DTNA: variants seen among roughly 807,000 people sequenced by gnomAD.
The protein encoded by DTNA is dystrobrevin alpha.
DTNA carries 43 observed loss-of-function variants against 100.7 expected under a neutral mutation model. That is an observed-to-expected ratio of 0.43 (90% confidence interval 0.33 to 0.55). The LOEUF is 0.55. Ranked by LOEUF, DTNA falls within the 20% of genes least tolerant of loss-of-function variation. DTNA has a pLI of 0.04. For synonymous variants in DTNA, 349 were observed against 347.9 expected (o/e 1.00, Z -0.04); for missense variants, 798 against 953.9 (o/e 0.84, Z 2.15).
intron 1 of DTNA, among the ~76,000 whole-genome samples, chr18:34,682,825 GT>G (rs2078317490): frequency 6.6e-6 from 1 of 150,920 alleles, no homozygotes; most frequent in Non-Finnish European, 1.5e-5. Context: ...TTCAAGGTTT[GT>G]TTTTTTAAAA....
At chr18:34,533,067 A>G (rs2043306680) in intron 1 of DTNA, among the ~76,000 whole-genome samples, 1 of 151,968 alleles carries the variant, frequency 6.6e-6, no homozygotes, top group Non-Finnish European at 1.5e-5. Context: ...TCACTATTTC[A>G]TTATCAAAAT....
chr18:34,609,042 A>G (rs2053684426), intron 1 of DTNA, among the ~76,000 whole-genome samples: 2 of 152,202 alleles, frequency 1.3e-5, no homozygotes, highest in Admixed American at 1.3e-4. Flanking sequence ...GGGAAAATAA[A>G]GAATGACTTT....
intron 1 of DTNA, among the ~76,000 whole-genome samples, chr18:34,549,667 C>T (rs2045190262): frequency 6.6e-6 from 1 of 152,060 alleles, no homozygotes; most frequent in Non-Finnish European, 1.5e-5. Context: ...TCTTATTTCA[C>T]AATTGCAAGC....
At chr18:34,732,114 T>C (rs2147351510) in intron 1 of DTNA, among the ~76,000 whole-genome samples, 1 of 152,354 alleles carries the variant, frequency 6.6e-6, no homozygotes, top group East Asian at 1.9e-4. Context: ...GTTTCCACAC[T>C]GTCTCACTAA....
At chr18:34,540,643 A>G (rs758802478) in intron 1 of DTNA, among the ~76,000 whole-genome samples, 1 of 152,072 alleles carries the variant, frequency 6.6e-6, no homozygotes, top group Non-Finnish European at 1.5e-5. Flanking sequence ...ACTAAATAGA[A>G]GAAGATCTGT....
chr18:34,649,472 G>A (rs149828375), intron 1 of DTNA, among the ~76,000 whole-genome samples: 52 of 152,128 alleles, frequency 3.4e-4, no homozygotes, highest in Non-Finnish European at 5.7e-4. Flanking sequence ...TGACTCTTCT[G>A]GCAATAGCAT....
At chr18:34,760,993 A>G (rs1011141668) in intron 2 of DTNA, among the ~76,000 whole-genome samples, 1 of 152,072 alleles carries the variant, frequency 6.6e-6, no homozygotes, top group African/African-American at 2.4e-5. Context: ...TACCTTACTT[A>G]GCTCAATGAG....
chr18:34,539,451 G>A (rs1477329841), intron 1 of DTNA, among the ~76,000 whole-genome samples: 1 of 151,966 alleles, frequency 6.6e-6, no homozygotes, highest in African/African-American at 2.4e-5. Flanking sequence ...TGGCTGACTT[G>A]CTAATTTAGA....
intron 1 of DTNA, among the ~76,000 whole-genome samples, chr18:34,497,125 T>C (rs1342072578): frequency 1.3e-5 from 2 of 152,234 alleles, no homozygotes; most frequent in Non-Finnish European, 2.9e-5. Flanking sequence ...TGGCAACTAC[T>C]TTCAAACTGA....
intron 1 of DTNA, among the ~76,000 whole-genome samples, chr18:34,684,239 G>A (rs2078540713): frequency 6.6e-6 from 1 of 152,048 alleles, no homozygotes; most frequent in Admixed American, 6.6e-5. Context: ...ATGGTGCTTT[G>A]CTGCACCCAT....
At chr18:34,710,675 A>AGTGTGTGTGT (rs113472325) in intron 1 of DTNA, among the ~76,000 whole-genome samples, 14 of 147,942 alleles carry the variant, frequency 9.5e-5, no homozygotes, top group African/African-American at 3.2e-4. Context: ...TGTGTGTGGG[A>AGTGTGTGTGT]GTGTGTGTGT....
At chr18:34,540,477 A>G (rs1270498962) in intron 1 of DTNA, among the ~76,000 whole-genome samples, 14 of 152,048 alleles carry the variant, frequency 9.2e-5, no homozygotes, top group Admixed American at 9.2e-4. Flanking sequence ...TTATCTCGGA[A>G]CATCACCTTA....
At chr18:34,831,226 G>T (rs2096001346) in intron 11 of DTNA, among the ~76,000 whole-genome samples, 1 of 152,136 alleles carries the variant, frequency 6.6e-6, no homozygotes, top group Non-Finnish European at 1.5e-5. Context: ...GAAAAAATTA[G>T]TCACACTTCT....
At chr18:34,864,444 G>T (rs967225885) in intron 17 of DTNA, among the ~76,000 whole-genome samples, 1 of 151,090 alleles carries the variant, frequency 6.6e-6, no homozygotes, top group Non-Finnish European at 1.5e-5. Flanking sequence ...TAGTAGAGAC[G>T]GGCTTTCACC....
chr18:34,838,127 C>T lies in DTNA; in HGVS notation c.1209C>T (p.Asn403=), dbSNP rs1603062913. ...SPPKDSEVEQ[N]KLLARAAPAF... ...CCAAGGACAGTGAAGTAGAGCAGAA[C>T]AAACTGCTGGCTAGGGCTGCTCCAG... Residue 403 remains asparagine, a synonymous_variant, in exon 12 of 23, where the codon AAC becomes AAT. Transcript: ENST00000444659. The T allele has an allele frequency of 6.2e-7, 1 of 1,613,858 alleles. No homozygotes were observed. The highest frequency in any genetic ancestry group is 8.5e-7 in the Non-Finnish European group (1 of 1,179,844).
intron 1 of DTNA, among the ~76,000 whole-genome samples, chr18:34,643,152 G>T (rs1042800651): frequency 6.6e-6 from 1 of 152,194 alleles, no homozygotes; most frequent in Non-Finnish European, 1.5e-5. Flanking sequence ...TTGTACCTAA[G>T]AGTGGCAAGA....
chr18:34,862,433 GT>G (rs2096641470), intron 16 of DTNA, among the ~76,000 whole-genome samples: 1 of 151,374 alleles, frequency 6.6e-6, no homozygotes, highest in South Asian at 2.1e-4. Flanking sequence ...ATATTTTATA[GT>G]TAAAAAGTTA....
intron 1 of DTNA, among the ~76,000 whole-genome samples, chr18:34,603,089 G>C (rs2052303732): frequency 6.6e-6 from 1 of 151,658 alleles, no homozygotes; most frequent in South Asian, 2.1e-4. Flanking sequence ...GAGCGTGGTG[G>C]TGTGTGCCTG....
chr18:34,641,388 C>T (rs2059260785), intron 1 of DTNA, among the ~76,000 whole-genome samples: 1 of 152,194 alleles, frequency 6.6e-6, no homozygotes, highest in Non-Finnish European at 1.5e-5. Context: ...ATCACAGCAG[C>T]CCCAGATGTT....
Sources: gnomAD v4.1 joint callset for allele counts (sites outside exome capture counted in the v4.1 genomes callset) on GRCh38, gnomAD v4.1.1 for gene constraint, MANE v1.5 for transcripts, NCBI Gene and HGNC (gene_info 2026-07-23, HGNC 2026-07-21) for gene names.